The following TAS2R42 variants were observed in gnomAD, a reference collection of about 807,000 sequenced individuals.
TAS2R42 encodes the protein taste 2 receptor member 42.
For missense variants in TAS2R42, 356 were observed against 356.9 expected (o/e 1.00, Z 0.02); for synonymous variants, 138 against 133.0 (o/e 1.04, Z -0.26).
chr12:11,186,416 G>A lies in TAS2R42; in HGVS notation c.522C>T (p.Leu174=). ...LTLYLDESKT[L]YDKLSILKTL... Reference sequence around the variant, plus strand: ...TTTTTAAAATAGAGAGTTTATCATAGAGAGTTTTACTTTCATCTAAATATA... The same window carrying A: ...TTTTTAAAATAGAGAGTTTATCATAAAGAGTTTTACTTTCATCTAAATATA... Residue 174 remains leucine, a synonymous_variant, in exon 1 of 1, where the codon CTC becomes CTT. Transcript: ENST00000334266. 6.2e-7 allele frequency: 1 copy of A among 1,604,182 alleles called. No individual in the cohort carries two copies. Among genetic ancestry groups the A allele is most frequent in the East Asian group, 2.2e-5 (1 of 44,788 alleles).
rs750915605 is a variant in TAS2R42, at chr12:11,186,798, A to G, written c.140T>C (p.Ile47Thr). 1 of 1,614,118 alleles carries G rather than the reference A, an allele frequency of 6.2e-7. No homozygotes were observed. The highest frequency in any genetic ancestry group is 8.5e-7 in the Non-Finnish European group (1 of 1,179,994). ...TGTGGAGATAGCCAAGCAGGTGAGG[A>G]TGAAGTCAGCTGAGAAGACCTTTTG... ...KNQKVFSADF[I>T]LTCLAISTIG... The change falls in exon 1 of 1, where the codon ATC becomes ACC. Residue 47 changes from isoleucine (I) to threonine (T), a missense_variant. By Grantham distance (89) the Ile-to-Thr change is moderately conservative (BLOSUM62 -1). Transcript: ENST00000334266.
At position 11,186,818 on chromosome 12, in the gene TAS2R42, C is replaced by G. The variant is rs754483340; in HGVS notation, c.120G>C (p.Lys40Asn). The G allele has an allele frequency of 5.0e-6, 8 of 1,614,064 alleles. No individual in the cohort carries two copies. Among genetic ancestry groups the G allele is most frequent in the Non-Finnish European group, 6.8e-6 (8 of 1,180,000 alleles). ...TGAGGATGAAGTCAGCTGAGAAGAC[C>G]TTTTGGTTCTTGATCCCTTCAGAGC... The part of the protein sequence containing the change: ...VNCSEGIKNQ[K>N]VFSADFILTC... The change falls in exon 1 of 1, where the codon AAG becomes AAC. Residue 40 changes from lysine to asparagine, a missense_variant. Lys to Asn is a moderately conservative substitution (Grantham distance 94). Transcript: ENST00000334266.
At position 11,186,306 on chromosome 12, in the gene TAS2R42, G is replaced by T. The variant is rs776064307; in HGVS notation, c.632C>A (p.Thr211Asn). The T allele has an allele frequency of 1.2e-6, 2 of 1,613,978 alleles. No homozygotes were observed. Among genetic ancestry groups the T allele is most frequent in the Middle Eastern group, 1.7e-4 (1 of 6,060 alleles). Residue 211 changes from threonine to asparagine, a missense_variant, in exon 1 of 1, where the codon ACT becomes AAT. By Grantham distance (65) the Thr-to-Asn change is moderately conservative. Coordinates refer to ENST00000334266, the MANE Select transcript of TAS2R42 (RefSeq NM_181429.2). ...CAAGGAACTGAGCTTCAAATTTCTAGTATGTCTCACCAAGGACAGAAATAA... is the reference window on the plus strand; with the variant it reads ...CAAGGAACTGAGCTTCAAATTTCTATTATGTCTCACCAAGGACAGAAATAA... The part of the protein sequence containing the change: ...LFLFLSLVRH[T>N]RNLKLSSLGS...
At position 11,186,882 on chromosome 12, in the gene TAS2R42, A is replaced by G. The variant is rs201069936; in HGVS notation, c.56T>C (p.Ile19Thr). ...FLILAIAEFI[I>T]SMLGNVFIGL... is the part of the protein sequence containing the mutation. ...AATGAACACATTCCCCAGCATGCTGATGATGAATTCTGCTATTGCCAGAAT... is the reference window on the plus strand; with the variant it reads ...AATGAACACATTCCCCAGCATGCTGGTGATGAATTCTGCTATTGCCAGAAT... The change falls in exon 1 of 1, where the codon ATC becomes ACC. Residue 19 changes from isoleucine (I) to threonine (T), a missense_variant. Transcript: ENST00000334266. 1 of 1,613,898 alleles carries G rather than the reference A, an allele frequency of 6.2e-7. No individual in the cohort carries two copies. Among genetic ancestry groups the G allele is most frequent in the East Asian group, 2.2e-5 (1 of 44,882 alleles).
In TAS2R42 at chr12:11,186,129, A is replaced by G. The variant is rs763547101; in HGVS notation, c.809T>C (p.Met270Thr). ...LWNNKCIKFV[M>T]LALNAFPSCH... ...CGAGGGAAAGGCATTTAAGGCTAAC[A>G]TGACAAACTTTATGCACTTGTTGTT... The change falls in exon 1 of 1, where the codon ATG (methionine) becomes ACG (threonine). Residue 270 changes from methionine to threonine, a missense_variant. Physicochemically the swap from Met to Thr is moderately conservative, Grantham distance 81. Coordinates refer to ENST00000334266, the MANE Select transcript of TAS2R42 (RefSeq NM_181429.2). The G allele has an allele frequency of 1.9e-6, 3 of 1,614,038 alleles. No individual in the cohort carries two copies. Among genetic ancestry groups the G allele is most frequent in the South Asian group, 1.1e-5 (1 of 91,066 alleles).
At position 11,186,177 on chromosome 12, in the gene TAS2R42, T is replaced by C. The variant is rs201899317; in HGVS notation, c.761A>G (p.Asn254Ser). The stretch of plus-strand genomic sequence containing the variant: ...GTTCCACAACATAAAAAATATCCAA[T>C]TGGCCACTTGTAAGGAAAAAAAATG... ...IVHFFSLQVA[N>S]WIFFMLWNNK... is the part of the protein sequence containing the mutation. The change falls in exon 1 of 1, where the codon AAT becomes AGT. Residue 254 changes from asparagine to serine, a missense_variant. Asn to Ser is a conservative substitution (Grantham distance 46). Coordinates refer to ENST00000334266, the MANE Select transcript of TAS2R42 (RefSeq NM_181429.2). 5.6e-5 allele frequency: 90 copies of C among 1,613,598 alleles called. No homozygotes were observed. Among genetic ancestry groups the C allele is most frequent in the Middle Eastern group, 1.6e-4 (1 of 6,078 alleles).
rs1592149354 is a variant in TAS2R42 at position 11,185,995 on chromosome 12, A to G, written c.943T>C (p.Ter315GlnextTer?). 2 of 1,573,330 alleles carry G rather than the reference A, an allele frequency of 1.3e-6. No individual in the cohort carries two copies. Among genetic ancestry groups the G allele is most frequent in the Non-Finnish European group, 1.7e-6 (2 of 1,160,020 alleles). ...YTKTPNPLPL[*>Q] ...AGAAAAGCTTCTGTAAAGTCTGTCT[A>G]CAAAGGTAAAGGGTTTGGTGTTTTT... The change falls in exon 1 of 1, where the codon TAG (stop) becomes CAG (glutamine). Residue 315 changes from the stop codon to glutamine (Q), a stop_lost. Transcript: ENST00000334266.
rs1948027233 is a variant in TAS2R42, at chr12:11,186,521, G to A, written c.417C>T (p.Phe139=). 3 of 1,613,666 alleles carry A rather than the reference G, an allele frequency of 1.9e-6. No individual in the cohort carries two copies. The highest frequency in any genetic ancestry group is 2.5e-6 in the Non-Finnish European group (3 of 1,179,856). ...GCACTAAACTGTCAAAAATCAGTAA[G>A]AACAAAGACAATATAAGAAGCATAA... The part of the protein sequence containing the change: ...MIVMLLILSL[F]LLIFDSLVLE... Residue 139 remains phenylalanine (F), a synonymous_variant, in exon 1 of 1, where the codon TTC becomes TTT. Transcript: ENST00000334266.
At position 11,186,930 on chromosome 12, in the gene TAS2R42, G is replaced by T. The variant is rs752186513; in HGVS notation, c.8C>A (p.Thr3Asn). 1.3e-6 allele frequency: 2 copies of T among 1,589,990 alleles called. No homozygotes were observed. Among genetic ancestry groups the T allele is most frequent in the East Asian group, 4.5e-5 (2 of 44,098 alleles). Reference sequence around the variant, plus strand: ...AATCAGAAAGATTTTGTCCAATTCGGTGGCCATCTCCAGAGACAAAAAAAT... The same window carrying T: ...AATCAGAAAGATTTTGTCCAATTCGTTGGCCATCTCCAGAGACAAAAAAAT... MA[T>N]ELDKIFLILA... The change falls in exon 1 of 1, where the codon ACC becomes AAC. Residue 3 changes from threonine to asparagine, a missense_variant. By Grantham distance (65) the Thr-to-Asn change is moderately conservative (BLOSUM62 0). Coordinates refer to ENST00000334266, the MANE Select transcript of TAS2R42 (RefSeq NM_181429.2).
Position 11,186,763 on chromosome 12 carries a change from G to A in TAS2R42, c.175C>T (p.Leu59=), listed in dbSNP as rs776797008. Reference sequence around the variant, plus strand: ...AATGAATCAAACAGTATCACCAACAGTTGTCCAATTGTGGAGATAGCCAAG... The same window carrying A: ...AATGAATCAAACAGTATCACCAACAATTGTCCAATTGTGGAGATAGCCAAG... ...TCLAISTIGQ[L]LVILFDSFLV... The change falls in exon 1 of 1, where the codon CTG becomes TTG. Residue 59 remains leucine, a synonymous_variant. Coordinates refer to ENST00000334266, the MANE Select transcript of TAS2R42 (RefSeq NM_181429.2). 2 of 1,614,090 alleles carry A rather than the reference G, an allele frequency of 1.2e-6. No individual in the cohort carries two copies. The highest frequency in any genetic ancestry group is 1.7e-6 in the Non-Finnish European group (2 of 1,180,008).
At position 11,186,200 on chromosome 12, in the gene TAS2R42, A is replaced by G. The variant is rs77975004; in HGVS notation, c.738T>C (p.His246=). ...VMSFLFLFIV[H]FFSLQVANWI... ...AATTGGCCACTTGTAAGGAAAAAAA[A>G]TGAACTATGAAGAGGAAAAGGAAAG... Residue 246 remains histidine, a synonymous_variant, in exon 1 of 1, where the codon CAT becomes CAC. Coordinates refer to ENST00000334266, the MANE Select transcript of TAS2R42 (RefSeq NM_181429.2). 8 of 1,613,614 alleles carry G rather than the reference A, an allele frequency of 5.0e-6. No homozygotes were observed. The African/African-American group carries it at 1.1e-4, about 22-fold the overall frequency.
In TAS2R42 at chr12:11,186,877, T is replaced by C. The variant is rs368504706; in HGVS notation, c.61A>G (p.Met21Val). ...ILAIAEFIIS[M>V]LGNVFIGLVN... The stretch of plus-strand genomic sequence containing the variant: ...AGTCCAATGAACACATTCCCCAGCA[T>C]GCTGATGATGAATTCTGCTATTGCC... The change falls in exon 1 of 1, where the codon ATG (methionine) becomes GTG (valine). Residue 21 changes from methionine (M) to valine (V), a missense_variant. Physicochemically the swap from Met to Val is conservative, Grantham distance 21. Coordinates refer to ENST00000334266, the MANE Select transcript of TAS2R42 (RefSeq NM_181429.2). The C allele has an allele frequency of 1.9e-6, 3 of 1,613,770 alleles. No individual in the cohort carries two copies. In the Admixed American group the frequency reaches 5.0e-5, roughly 27 times the overall value.
rs914333739 is a variant in TAS2R42 at position 11,186,105 on chromosome 12, G to C, written c.833C>G (p.Ser278Trp). Residue 278 changes from serine (S) to tryptophan (W), a missense_variant, in exon 1 of 1, where the codon TCG (serine) becomes TGG (tryptophan). Transcript: ENST00000334266. Reference sequence around the variant, plus strand: ...CAGAATGAGAATAAATGAGTGGCACGAGGGAAAGGCATTTAAGGCTAACAT... The same window carrying C: ...CAGAATGAGAATAAATGAGTGGCACCAGGGAAAGGCATTTAAGGCTAACAT... ...FVMLALNAFPSCHSFILILGN... is the reference protein window; with the variant it reads ...FVMLALNAFPWCHSFILILGN... 6.2e-7 allele frequency: 1 copy of C among 1,613,842 alleles called. No homozygotes were observed. Among genetic ancestry groups the C allele is most frequent in the East Asian group, 2.2e-5 (1 of 44,892 alleles).
chr12:11,186,458 A>G lies in TAS2R42; in HGVS notation c.480T>C (p.Asp160=), dbSNP rs1156954155. 5 of 1,606,410 alleles carry G rather than the reference A, an allele frequency of 3.1e-6. No individual in the cohort carries two copies. Among genetic ancestry groups the G allele is most frequent in the African/African-American group, 2.7e-5 (2 of 74,406 alleles). Residue 160 remains aspartate (D), a synonymous_variant, in exon 1 of 1, where the codon GAT becomes GAC. Transcript: ENST00000334266. The part of the protein sequence containing the change: ...IFIDISLNII[D]KSNLTLYLDE... Reference sequence around the variant, plus strand: ...CTAAATATAAAGTCAGATTACTTTTATCTATTATATTGAGTGAGATATCAA... The same window carrying G: ...CTAAATATAAAGTCAGATTACTTTTGTCTATTATATTGAGTGAGATATCAA...
rs146179005 is a variant in TAS2R42, at chr12:11,186,591, T to C, written c.347A>G (p.His116Arg). 158 of 1,612,578 alleles carry C rather than the reference T, an allele frequency of 9.8e-5. No homozygotes were observed. The African/African-American group carries it at 1.9e-3, about 19-fold the overall frequency. ...CCACCTCAGCCAGAGGAAAAGGGAG[T>C]GGGGGAAGTGGGCTATCTTAAAGAA... is the stretch of plus-strand genomic sequence containing the variant. ...FYFFKIAHFP[H>R]SLFLWLRWRM... is the part of the protein sequence containing the mutation. Residue 116 changes from histidine (H) to arginine (R), a missense_variant, in exon 1 of 1, where the codon CAC becomes CGC. Coordinates refer to ENST00000334266, the MANE Select transcript of TAS2R42 (RefSeq NM_181429.2).
In TAS2R42 at chr12:11,186,511, A is replaced by G; in HGVS notation, c.427T>C (p.Phe143Leu). 1 of 1,613,714 alleles carries G rather than the reference A, an allele frequency of 6.2e-7. No homozygotes were observed. The highest frequency in any genetic ancestry group is 8.5e-7 in the Non-Finnish European group (1 of 1,179,860). ...LLILSLFLLI[F>L]DSLVLEIFID... ...AATATTTCTAGCACTAAACTGTCAA[A>G]AATCAGTAAGAACAAAGACAATATA... The change falls in exon 1 of 1, where the codon TTT (phenylalanine) becomes CTT (leucine). Residue 143 changes from phenylalanine to leucine, a missense_variant. Coordinates refer to ENST00000334266, the MANE Select transcript of TAS2R42 (RefSeq NM_181429.2).
At position 11,186,773 on chromosome 12, in the gene TAS2R42, T is replaced by C. The variant is rs775759857; in HGVS notation, c.165A>G (p.Thr55=). 1.5e-5 allele frequency: 24 copies of C among 1,613,902 alleles called. No homozygotes were observed. In the Admixed American group the frequency reaches 2.0e-4, roughly 13 times the overall value. The change falls in exon 1 of 1, where the codon ACA becomes ACG. Residue 55 remains threonine (T), a synonymous_variant. Coordinates refer to ENST00000334266, the MANE Select transcript of TAS2R42 (RefSeq NM_181429.2). ...DFILTCLAIS[T]IGQLLVILFD... Reference sequence around the variant, plus strand: ...ACAGTATCACCAACAGTTGTCCAATTGTGGAGATAGCCAAGCAGGTGAGGA... The same window carrying C: ...ACAGTATCACCAACAGTTGTCCAATCGTGGAGATAGCCAAGCAGGTGAGGA...
In TAS2R42 at chr12:11,186,056, T is replaced by G; in HGVS notation, c.882A>C (p.Thr294=). 6.2e-7 allele frequency: 1 copy of G among 1,614,010 alleles called. No homozygotes were observed. Among genetic ancestry groups the G allele is most frequent in the East Asian group, 2.2e-5 (1 of 44,876 alleles). Residue 294 remains threonine, a synonymous_variant, in exon 1 of 1, where the codon ACA becomes ACC. Transcript: ENST00000334266. ...TAAGATGCCACAGTAGCCTCACAGCTGTCTGTTGCAGCTTGCTGTTTCCCA... is the reference window on the plus strand; with the variant it reads ...TAAGATGCCACAGTAGCCTCACAGCGGTCTGTTGCAGCTTGCTGTTTCCCA... ...LILGNSKLQQ[T]AVRLLWHLRN...
At position 11,186,859 on chromosome 12, in the gene TAS2R42, T is replaced by A; in HGVS notation, c.79A>T (p.Ile27Phe). The A allele has an allele frequency of 6.2e-7, 1 of 1,614,036 alleles. No homozygotes were observed. The highest frequency in any genetic ancestry group is 8.5e-7 in the Non-Finnish European group (1 of 1,179,960). ...FIISMLGNVF[I>F]GLVNCSEGIK... ...CCTTCAGAGCAGTTTACCAGTCCAATGAACACATTCCCCAGCATGCTGATG... is the reference window on the plus strand; with the variant it reads ...CCTTCAGAGCAGTTTACCAGTCCAAAGAACACATTCCCCAGCATGCTGATG... Residue 27 changes from isoleucine to phenylalanine, a missense_variant, in exon 1 of 1, where the codon ATT (isoleucine) becomes TTT (phenylalanine). Physicochemically the swap from Ile to Phe is conservative, Grantham distance 21. Coordinates refer to ENST00000334266, the MANE Select transcript of TAS2R42 (RefSeq NM_181429.2).
Sources: gnomAD v4.1 joint callset for allele counts on GRCh38, gnomAD v4.1.1 for gene constraint, MANE v1.5 for transcripts, NCBI Gene and HGNC (gene_info 2026-07-23, HGNC 2026-07-21) for gene names.